Variants in ANO4 observed in about 807,000 individuals in gnomAD.
The protein encoded by ANO4 is anoctamin-4.
A neutral mutation model predicts 141.9 loss-of-function variants in ANO4; 69 were observed. That is an observed-to-expected ratio of 0.49 (90% CI 0.40 to 0.59). The LOEUF (loss-of-function observed/expected upper bound fraction) is 0.59, where lower values mean the gene tolerates loss of function less well. Among genes scored for constraint, ANO4 ranks in the 20% least tolerant of loss-of-function variants. ANO4 has a pLI of 0.00. For synonymous variants in ANO4, 350 were observed against 394.3 expected, an observed-to-expected ratio of 0.89 and a Z score of 1.33; for missense variants, 894 against 1,162.2, an observed-to-expected ratio of 0.77 and a Z score of 3.36.
intron 8 of ANO4, among the ~76,000 whole-genome samples, chr12:101,009,872 T>G (rs1202227828): frequency 6.6e-6 from 1 of 152,180 alleles, no homozygotes; most frequent in Non-Finnish European, 1.5e-5. Context: ...GGGCTGATCC[T>G]CTAATGTCCT....
At chr12:100,899,929 T>G (rs78536590) in intron 1 of ANO4, among the ~76,000 whole-genome samples, 6,983 of 152,282 alleles carry the variant, frequency 0.046, 231 homozygotes, top group Non-Finnish European at 0.066. Context: ...CTAATGAACT[T>G]GCCTAGAAAT....
At chr12:100,993,529 G>A (rs1335800153) in intron 8 of ANO4, among the ~76,000 whole-genome samples, 1 of 152,092 alleles carries the variant, frequency 6.6e-6, no homozygotes, top group Non-Finnish European at 1.5e-5. Flanking sequence ...AATATCAGCA[G>A]TAGAACAGCA....
intron 3 of ANO4, chr12:100,740,228 A>C: frequency 4.7e-6 from 3 of 634,422 alleles, no homozygotes; most frequent in Non-Finnish European, 8.6e-6. Flanking sequence ...CCCCAACAAT[A>C]CCTCTATGTT....
At chr12:100,722,710 G>A (rs12320665) in intron 1 of ANO4, among the ~76,000 whole-genome samples, 2,712 of 152,242 alleles carry the variant, frequency 0.018, 81 homozygotes, top group African/African-American at 0.061. Context: ...CTTGTGCCTC[G>A]CACAGTGCCT....
chr12:100,987,542 C>A lies in ANO4; in HGVS notation c.606C>A (p.Ile202=). Residue 202 remains isoleucine, a synonymous_variant, in exon 8 of 28, where the codon ATC becomes ATA. Transcript: ENST00000392977. The part of the protein sequence containing the change: ...LPRRYKFMSR[I]DKQISRFRRW... Reference sequence around the variant, plus strand: ...TCTTGCCTTCCATGTACCACAGGATCGATAAACAAATAAGCAGGTTTCGGA... The same window carrying A: ...TCTTGCCTTCCATGTACCACAGGATAGATAAACAAATAAGCAGGTTTCGGA... 1 of 1,613,388 alleles carries A rather than the reference C, an allele frequency of 6.2e-7. No individual in the cohort carries two copies. The highest frequency in any genetic ancestry group is 8.5e-7 in the Non-Finnish European group (1 of 1,179,640).
chr12:100,873,681 A>G (rs2039147050), intron 1 of ANO4, among the ~76,000 whole-genome samples: 1 of 152,222 alleles, frequency 6.6e-6, no homozygotes, highest in African/African-American at 2.4e-5. Flanking sequence ...TTAAAAGGGA[A>G]GTAGAGTGTA....
chr12:100,883,324 C>A (rs181755123), intron 1 of ANO4, among the ~76,000 whole-genome samples: 14 of 152,226 alleles, frequency 9.2e-5, no homozygotes, highest in African/African-American at 3.4e-4. Flanking sequence ...TATTTTCAGC[C>A]TTAAGGGCCA....
At chr12:100,959,205 C>T (rs1343943538) in intron 5 of ANO4, among the ~76,000 whole-genome samples, 1 of 152,134 alleles carries the variant, frequency 6.6e-6, no homozygotes, top group Non-Finnish European at 1.5e-5. Flanking sequence ...GACTCCCCAC[C>T]CTCAACCTTC....
intron 3 of ANO4, among the ~76,000 whole-genome samples, chr12:100,939,054 A>G (rs943893508): frequency 1.3e-5 from 2 of 152,242 alleles, no homozygotes; most frequent in Admixed American, 6.5e-5. Flanking sequence ...ACCTCCTGCT[A>G]TCATGGAAGA....
chr12:100,797,006 A>C (rs2034368011), intron 1 of ANO4, among the ~76,000 whole-genome samples: 1 of 152,142 alleles, frequency 6.6e-6, no homozygotes, highest in Admixed American at 6.6e-5. Context: ...TTTCATTTTA[A>C]TTAGTAGCAA....
chr12:100,919,364 A>G (rs896405533), intron 2 of ANO4, among the ~76,000 whole-genome samples: 1 of 152,160 alleles, frequency 6.6e-6, no homozygotes, highest in Non-Finnish European at 1.5e-5. Flanking sequence ...TTCATGGTAA[A>G]TGCCCTATAC....
chr12:100,756,278 C>T (rs2032607103), intron 3 of ANO4, among the ~76,000 whole-genome samples: 1 of 152,142 alleles, frequency 6.6e-6, no homozygotes, highest in South Asian at 2.1e-4. Flanking sequence ...TGGAGCCTTC[C>T]TACATAATAA....
intron 14 of ANO4, among the ~76,000 whole-genome samples, chr12:101,067,258 T>C (rs941802167): frequency 6.6e-6 from 1 of 152,232 alleles, no homozygotes; most frequent in Admixed American, 6.5e-5. Flanking sequence ...TTATTTATGT[T>C]GTAAAGTGGT....
intron 8 of ANO4, among the ~76,000 whole-genome samples, chr12:101,012,243 T>C (rs767190005): frequency 2.0e-5 from 3 of 152,002 alleles, no homozygotes; most frequent in Non-Finnish European, 4.4e-5. Flanking sequence ...TTGCAGTCTG[T>C]AGGGGGAGAG....
chr12:101,034,869 A>T (rs1814182831), intron 9 of ANO4, among the ~76,000 whole-genome samples: 1 of 152,184 alleles, frequency 6.6e-6, no homozygotes, highest in Non-Finnish European at 1.5e-5. Context: ...ATATCACAAC[A>T]CACCCATGAG....
chr12:101,001,888 TTGTC>T (rs1398042898), intron 8 of ANO4, among the ~76,000 whole-genome samples: 3 of 152,148 alleles, frequency 2.0e-5, no homozygotes, highest in Non-Finnish European at 1.5e-5. Flanking sequence ...AGAAATGTCT[TTGTC>T]TGTGGGGAAA....
intron 7 of ANO4, among the ~76,000 whole-genome samples, chr12:100,983,208 G>A (rs2044562143): frequency 6.6e-6 from 1 of 152,206 alleles, no homozygotes; most frequent in African/African-American, 2.4e-5. Context: ...TAACTGGGAG[G>A]TGAGAACAGC....
intron 8 of ANO4, among the ~76,000 whole-genome samples, chr12:100,988,043 C>A (rs2044801392): frequency 6.6e-6 from 1 of 152,190 alleles, no homozygotes. Context: ...TGGCCTACAC[C>A]TTTTCCCATT....
chr12:100,829,922 A>G (rs1460326163), intron 1 of ANO4, among the ~76,000 whole-genome samples: 3 of 152,048 alleles, frequency 2.0e-5, no homozygotes, highest in Non-Finnish European at 2.9e-5. Flanking sequence ...ACGTGTTCAC[A>G]GTTTGTGTAA....
Sources: allele counts gnomAD v4.1 joint callset (sites outside exome capture counted in the v4.1 genomes callset), GRCh38; gene constraint gnomAD v4.1.1; transcripts MANE v1.5; gene names NCBI Gene and HGNC (gene_info 2026-07-23, HGNC 2026-07-21).